Variants in MYO1E observed in about 807,000 individuals in gnomAD.
MYO1E encodes the protein unconventional myosin-Ie.
In MYO1E, 68 loss-of-function variants were observed where a neutral mutation model predicts 151.1. The ratio of observed to expected loss-of-function variants is 0.45; its 90% CI spans 0.37 to 0.55. The LOEUF (loss-of-function observed/expected upper bound fraction) is 0.55. MYO1E is among the 20% of genes least tolerant of loss of function. MYO1E has a pLI of 0.00. For synonymous variants in MYO1E, 601 were observed against 501.7 expected, an observed-to-expected ratio of 1.20 and a Z score of -2.64; for missense variants, 1,363 against 1,389.3, an observed-to-expected ratio of 0.98 and a Z score of 0.30.
At chr15:59,199,201 A>G (rs1432885771) in intron 16 of MYO1E, among the ~76,000 whole-genome samples, 1 of 152,064 alleles carries the variant, frequency 6.6e-6, no homozygotes, top group Non-Finnish European at 1.5e-5. Context: ...GGCTCAACCA[A>G]TTCTCCTGCC....
At chr15:59,234,380 C>T (rs1448523753) in intron 5 of MYO1E, among the ~76,000 whole-genome samples, 6 of 152,090 alleles carry the variant, frequency 3.9e-5, no homozygotes, top group African/African-American at 1.4e-4. Context: ...TTGTTCTCTC[C>T]CTGACAGAAG....
At chr15:59,269,953 G>C (rs1422306015) in intron 2 of MYO1E, among the ~76,000 whole-genome samples, 1 of 151,948 alleles carries the variant, frequency 6.6e-6, no homozygotes, top group Non-Finnish European at 1.5e-5. Flanking sequence ...TTTGCAGAGA[G>C]TCTGTTACAA....
chr15:59,285,927 A>G (rs1266499768), intron 1 of MYO1E, among the ~76,000 whole-genome samples: 1 of 152,212 alleles, frequency 6.6e-6, no homozygotes, highest in Non-Finnish European at 1.5e-5. Flanking sequence ...TGTGGTTTGA[A>G]AATGATAGTC....
intron 2 of MYO1E, among the ~76,000 whole-genome samples, chr15:59,268,613 C>T (rs73424963): frequency 6.7e-6 from 1 of 149,808 alleles, no homozygotes; most frequent in Non-Finnish European, 1.5e-5. Context: ...TTAAAATTAA[C>T]AAGAAAGCAC....
intron 1 of MYO1E, 102 bp downstream of exon 1, chr15:59,372,396 C>T: frequency 1.4e-6 from 2 of 1,421,918 alleles, no homozygotes; most frequent in South Asian, 1.2e-5. Flanking sequence ...CCACCTTCTC[C>T]ACCCCTGGCC....
intron 1 of MYO1E, among the ~76,000 whole-genome samples, chr15:59,285,713 TAA>T (rs1360121215): frequency 6.6e-6 from 1 of 152,062 alleles, no homozygotes; most frequent in African/African-American, 2.4e-5. Context: ...ATTTTAAAAA[TAA>T]AAGTGAAAAA....
intron 1 of MYO1E, among the ~76,000 whole-genome samples, chr15:59,365,079 G>C (rs1160677073): frequency 6.6e-6 from 1 of 151,546 alleles, no homozygotes; most frequent in East Asian, 1.9e-4. Context: ...TAGTGCAATG[G>C]TGTGATCTCG....
intron 2 of MYO1E, 82 bp downstream of exon 2, chr15:59,272,224 C>A: frequency 6.5e-7 from 1 of 1,535,942 alleles, no homozygotes; most frequent in Non-Finnish European, 9.0e-7. Flanking sequence ...ACGTGAGCCA[C>A]TGCACCCAGC....
intron 7 of MYO1E, among the ~76,000 whole-genome samples, chr15:59,225,836 C>T (rs1044670505): frequency 6.6e-6 from 1 of 152,078 alleles, no homozygotes; most frequent in East Asian, 1.9e-4. Flanking sequence ...TTAGTAGAGA[C>T]AGGGTTTCAC....
rs752550528 is a variant in MYO1E at position 59,138,285 on chromosome 15, G to T, written c.3163C>A (p.Gln1055Lys). The change falls in exon 27 of 28, where the codon CAG (glutamine) becomes AAG (lysine). Residue 1055 changes from glutamine (Q) to lysine (K), a missense_variant. Transcript: ENST00000288235. ...TCATAGGCATACAAAGCCTTGCACT[G>T]TGGCACCTGAGGCTTGGGCTTGGGC... ...PQPKPKPQVP[Q>K]CKALYAYDAQ... is the part of the protein sequence containing the mutation. 8.1e-6 allele frequency: 13 copies of T among 1,614,102 alleles called. No homozygotes were observed. In the South Asian group the frequency reaches 1.4e-4, roughly 18 times the overall value.
At chr15:59,372,345 G>C (rs2080951783) in intron 1 of MYO1E, among the ~76,000 whole-genome samples, 153 bp downstream of exon 1, 1 of 152,302 alleles carries the variant, frequency 6.6e-6, no homozygotes, top group African/African-American at 2.4e-5. Flanking sequence ...TTTACGGAAA[G>C]CGGCAGGAAA....
chr15:59,338,902 C>A (rs769991003), intron 1 of MYO1E, among the ~76,000 whole-genome samples: 2 of 152,200 alleles, frequency 1.3e-5, no homozygotes, highest in Non-Finnish European at 2.9e-5. Flanking sequence ...GAGGCCGAGG[C>A]AGGTGGATCA....
chr15:59,360,567 G>C (rs2080879458), intron 1 of MYO1E, among the ~76,000 whole-genome samples: 1 of 152,158 alleles, frequency 6.6e-6, no homozygotes, highest in Non-Finnish European at 1.5e-5. Flanking sequence ...TAAAATGTTT[G>C]TTATTCTTGT....
intron 1 of MYO1E, among the ~76,000 whole-genome samples, chr15:59,315,646 C>T (rs1446817600): frequency 6.6e-6 from 1 of 151,358 alleles, no homozygotes; most frequent in African/African-American, 2.4e-5. Flanking sequence ...ATTTGTAAAA[C>T]AGACATGATA....
At chr15:59,222,643 C>T (rs561241997) in intron 9 of MYO1E, among the ~76,000 whole-genome samples, 4 of 152,282 alleles carry the variant, frequency 2.6e-5, no homozygotes, top group African/African-American at 9.6e-5. Context: ...ATATTGCTTG[C>T]TCTTTAAAAC....
chr15:59,340,344 GTTAAA>G (rs1336334156), intron 1 of MYO1E, among the ~76,000 whole-genome samples: 6 of 151,510 alleles, frequency 4.0e-5, no homozygotes, highest in African/African-American at 1.5e-4. Context: ...CCGCCTGATC[GTTAAA>G]TTAAATAAGG....
chr15:59,274,473 C>G (rs2080306487), intron 1 of MYO1E, among the ~76,000 whole-genome samples: 1 of 152,148 alleles, frequency 6.6e-6, no homozygotes, highest in African/African-American at 2.4e-5. Context: ...TCTGGGCACC[C>G]ACGGTTACTC....
At chr15:59,214,948 A>T (rs1466919219) in intron 10 of MYO1E, among the ~76,000 whole-genome samples, 4 of 152,212 alleles carry the variant, frequency 2.6e-5, no homozygotes, top group Non-Finnish European at 5.9e-5. Context: ...GAAACAAAAA[A>T]TGTTTGTTTA....
chr15:59,206,870 C>G, intron 14 of MYO1E: 1 of 1,493,376 alleles, frequency 6.7e-7, no homozygotes, highest in Non-Finnish European at 9.0e-7. Flanking sequence ...GCCAACGGCT[C>G]TCTTGGCGTC....
Sources: allele counts gnomAD v4.1 joint callset (sites outside exome capture counted in the v4.1 genomes callset), GRCh38; gene constraint gnomAD v4.1.1; transcripts MANE v1.5; gene names NCBI Gene and HGNC (gene_info 2026-07-23, HGNC 2026-07-21).